Variants in SEL1L2 observed in about 807,000 individuals in gnomAD.
SEL1L2 encodes SEL1L2 adaptor subunit of SYVN1 ubiquitin ligase.
Under a neutral mutation model 98.8 loss-of-function variants are expected in SEL1L2, and 89 were observed. The observed-to-expected ratio is 0.90, with a 90% CI of 0.76 to 1.07. The LOEUF (loss-of-function observed/expected upper bound fraction) is 1.07. Ranked by LOEUF, SEL1L2 falls within the 50% of genes least tolerant of loss-of-function variation. The probability of loss-of-function intolerance (pLI) is 0.00; values close to 1 mark genes in which losing one functional copy is unlikely to be tolerated. For synonymous variants in SEL1L2, 262 were observed against 278.5 expected (o/e 0.94, Z 0.59); for missense variants, 788 against 812.0 (o/e 0.97, Z 0.36).
intron 5 of SEL1L2, among the ~76,000 whole-genome samples, chr20:13,891,663 CAAAA>C (rs61545047): frequency 1.1e-4 from 8 of 74,210 alleles, no homozygotes; most frequent in Admixed American, 1.7e-4. Context: ...AAGACTCCAT[CAAAA>C]AAAAAAAAAA....
rs541993804 is a variant in SEL1L2, at chr20:13,911,076, T to G, written c.549+2706A>C. Among the ~76,000 whole-genome samples the G allele has an allele frequency of 2.0e-4, 31 of 152,370 alleles. No individual in the cohort carries two copies. In the South Asian group the frequency reaches 5.6e-3, roughly 27 times the overall value. On this transcript the variant is annotated intron_variant, in intron 5 of 19. Transcript: ENST00000284951. ...TTTATCCAATATTCTAGACTGAGTG[T>G]AAATGTCACTTCTTCCTTGAAACAT... is the stretch of plus-strand genomic sequence containing the variant.
intron 18 of SEL1L2, among the ~76,000 whole-genome samples, chr20:13,853,363 A>C (rs1196527621): frequency 6.7e-6 from 1 of 150,082 alleles, no homozygotes; most frequent in Non-Finnish European, 1.5e-5. Flanking sequence ...GTGTGCCACC[A>C]TGCCAGGCTG....
chr20:13,869,450 CTTA>C (rs2046079256), intron 14 of SEL1L2, 50 bp downstream of exon 14: 2 of 1,322,108 alleles, frequency 1.5e-6, no homozygotes, highest in Admixed American at 3.4e-5. Flanking sequence ...AAGAAGCAGA[CTTA>C]ATAATGCATA....
intron 1 of SEL1L2, among the ~76,000 whole-genome samples, chr20:13,958,598 C>G (rs1271274688): frequency 6.6e-6 from 1 of 152,078 alleles, no homozygotes; most frequent in Non-Finnish European, 1.5e-5. Context: ...ACATTTGGCC[C>G]AGGAACTGCT....
At chr20:13,989,014 AAAAT>A (rs1401242207) in intron 1 of SEL1L2, among the ~76,000 whole-genome samples, 3 of 152,190 alleles carry the variant, frequency 2.0e-5, no homozygotes, top group Non-Finnish European at 2.9e-5. Flanking sequence ...ACTCCATCTC[AAAAT>A]AAATAAATAA....
chr20:13,906,858 T>C (rs1359949680), intron 5 of SEL1L2, among the ~76,000 whole-genome samples: 1 of 152,128 alleles, frequency 6.6e-6, no homozygotes, highest in East Asian at 1.9e-4. Context: ...TTTGTATTTT[T>C]AGTAGAGACG....
At chr20:13,857,612 T>C (rs1464594170) in intron 18 of SEL1L2, among the ~76,000 whole-genome samples, 1 of 152,360 alleles carries the variant, frequency 6.6e-6, no homozygotes, top group South Asian at 2.1e-4. Context: ...CAAGTCCTTT[T>C]TGAATAACAT....
At chr20:13,984,041 A>C (rs1458862608) in intron 1 of SEL1L2, among the ~76,000 whole-genome samples, 1 of 146,920 alleles carries the variant, frequency 6.8e-6, no homozygotes, top group African/African-American at 2.5e-5. Flanking sequence ...TTTGAGTTGA[A>C]GTCTCTGTCA....
chr20:13,855,639 A>T (rs1475337249), intron 18 of SEL1L2, among the ~76,000 whole-genome samples: 1 of 152,200 alleles, frequency 6.6e-6, no homozygotes, highest in Admixed American at 6.5e-5. Flanking sequence ...TTCATGTGGT[A>T]ATTGTGGGGC....
intron 11 of SEL1L2, 64 bp from the exon 12 acceptor site, chr20:13,876,179 T>C (rs1469591843): frequency 6.9e-6 from 8 of 1,162,326 alleles, no homozygotes; most frequent in African/African-American, 1.5e-5. Context: ...GCAAATATTT[T>C]AAAATGAAAT....
At chr20:13,861,606 T>C (rs2147784229) in intron 17 of SEL1L2, among the ~76,000 whole-genome samples, 1 of 152,334 alleles carries the variant, frequency 6.6e-6, no homozygotes, top group African/African-American at 2.4e-5. Context: ...ACCACAATTT[T>C]AGAATATTTT....
intron 3 of SEL1L2, among the ~76,000 whole-genome samples, chr20:13,924,662 T>C (rs1418359616): frequency 6.6e-6 from 1 of 152,154 alleles, no homozygotes; most frequent in Non-Finnish European, 1.5e-5. Flanking sequence ...TGGACTTAAG[T>C]GATCCTCCCA....
chr20:13,861,375 G>A (rs937540121), intron 17 of SEL1L2, among the ~76,000 whole-genome samples: 14 of 151,580 alleles, frequency 9.2e-5, no homozygotes, highest in African/African-American at 3.4e-4. Flanking sequence ...CGAAATCCTG[G>A]GCTCAAGCGA....
intron 3 of SEL1L2, among the ~76,000 whole-genome samples, chr20:13,922,516 C>T (rs192349164): frequency 6.6e-6 from 1 of 152,250 alleles, no homozygotes; most frequent in East Asian, 1.9e-4. Context: ...GCATTATTCA[C>T]AAAATCTGAA....
At chr20:13,921,521 C>T (rs1249891433) in intron 3 of SEL1L2, among the ~76,000 whole-genome samples, 2 of 151,944 alleles carry the variant, frequency 1.3e-5, no homozygotes, top group Non-Finnish European at 2.9e-5. Context: ...ATCAAATTTT[C>T]TTTACTATAA....
chr20:13,934,710 T>C (rs758552543), intron 2 of SEL1L2, among the ~76,000 whole-genome samples: 1 of 151,516 alleles, frequency 6.6e-6, no homozygotes, highest in Middle Eastern at 3.2e-3. Context: ...ACACTGGTTG[T>C]TTTAGTTTAC....
chr20:13,873,511 GC>G (rs1330301408), intron 12 of SEL1L2, among the ~76,000 whole-genome samples: 2 of 151,916 alleles, frequency 1.3e-5, no homozygotes, highest in Admixed American at 1.3e-4. Flanking sequence ...ATAGGCATGT[GC>G]CACCATGCCC....
At chr20:13,986,637 T>C (rs190223678) in intron 1 of SEL1L2, among the ~76,000 whole-genome samples, 1 of 152,238 alleles carries the variant, frequency 6.6e-6, no homozygotes, top group Non-Finnish European at 1.5e-5. Flanking sequence ...TACCACAATT[T>C]GTTTATTTAC....
chr20:13,974,414 G>C (rs818757), intron 1 of SEL1L2, among the ~76,000 whole-genome samples: 31,813 of 150,752 alleles, frequency 0.21, 3,855 homozygotes, highest in African/African-American at 0.33. Context: ...GGGGAGTAGG[G>C]GTCAGAACTG....
Sources: gnomAD v4.1 joint callset for allele counts (sites outside exome capture counted in the v4.1 genomes callset) on GRCh38, gnomAD v4.1.1 for gene constraint, MANE v1.5 for transcripts, NCBI Gene and HGNC (gene_info 2026-07-23, HGNC 2026-07-21) for gene names.